Variants in SNAP47 observed in about 807,000 individuals in gnomAD.
SNAP47 encodes the protein synaptosome associated protein 47, also known as synaptosomal-associated protein 47.
Under a neutral mutation model 31.4 loss-of-function variants are expected in SNAP47, and 20 were observed. That is an observed-to-expected ratio of 0.64 (90% confidence interval 0.45 to 0.93). SNAP47 has a LOEUF of 0.93. SNAP47 is among the 40% of genes least tolerant of loss of function. The pLI, the probability that SNAP47 is intolerant of heterozygous loss-of-function variation, is 0.00. For missense variants in SNAP47, 492 were observed against 528.5 expected (o/e 0.93, Z 0.68); for synonymous variants, 194 against 213.4 (o/e 0.91, Z 0.79).
chr1:227,747,772 C>T lies in SNAP47; in HGVS notation c.36C>T (p.Cys12=). 1.2e-6 allele frequency: 2 copies of T among 1,614,128 alleles called. No homozygotes were observed. Among genetic ancestry groups the T allele is most frequent in the Non-Finnish European group, 8.5e-7 (1 of 1,180,002 alleles). ...SRDVCIHTWP[C]TYYLEPKRRW... Reference sequence around the variant, plus strand: ...ATGTCTGCATCCACACCTGGCCGTGCACCTACTACCTGGAGCCCAAGAGGC... The same window carrying T: ...ATGTCTGCATCCACACCTGGCCGTGTACCTACTACCTGGAGCCCAAGAGGC... Residue 12 remains cysteine, a synonymous_variant, in exon 2 of 5, where the codon TGC becomes TGT. Coordinates refer to ENST00000617596, the MANE Select transcript of SNAP47 (RefSeq NM_053052.4).
chr1:227,750,619 C>G (rs1662285588), intron 2 of SNAP47, among the ~76,000 whole-genome samples: 1 of 152,132 alleles, frequency 6.6e-6, no homozygotes, highest in African/African-American at 2.4e-5. Context: ...CCTGCCCTGG[C>G]TCGCTGCTGA....
chr1:227,732,518 T>C, upstream of SNAP47: 1 of 1,613,408 alleles, frequency 6.2e-7, no homozygotes. Flanking sequence ...CCAGCACCTC[T>C]GTGATGCGCC....
intron 1 of SNAP47, 78 bp from the exon 2 acceptor site, chr1:227,747,614 G>A (rs2102916749): frequency 2.8e-6 from 4 of 1,444,478 alleles, no homozygotes; most frequent in Non-Finnish European, 3.8e-6. Context: ...AGCCGCAGGG[G>A]AGGCAGCATC....
chr1:227,777,004 A>G, intron 4 of SNAP47: 1 of 985,434 alleles, frequency 1.0e-6, no homozygotes, highest in South Asian at 4.7e-5. Flanking sequence ...TAAATTGTGC[A>G]TATTATTACT....
chr1:227,775,244 C>T (rs1006647559), intron 4 of SNAP47, among the ~76,000 whole-genome samples: 12 of 152,204 alleles, frequency 7.9e-5, no homozygotes, highest in Non-Finnish European at 8.8e-5. Context: ...AGCCAATTTT[C>T]CCCCTTTACA....
intron 1 of SNAP47, among the ~76,000 whole-genome samples, chr1:227,737,821 T>C (rs181337003): frequency 6.6e-6 from 1 of 152,114 alleles, no homozygotes; most frequent in African/African-American, 2.4e-5. Context: ...TTGGGGATTG[T>C]GTGATTCAGT....
rs567882953 is a variant in SNAP47 at position 227,767,547 on chromosome 1, ATGTGTGTGT to A, written c.1113+483_1113+491del. Among the ~76,000 whole-genome samples the A allele has an allele frequency of 1.6e-3, 246 of 152,010 alleles. 1 individual carries two copies. The highest frequency in any genetic ancestry group is 3.4e-3 in the Middle Eastern group (1 of 294). Reference sequence around the variant, plus strand: ...TGCATGTGTGTGTACTTGTGAGTACATGTGTGTGTTGTGTGTGTTGTGTGTGTATGCACA... The same window carrying A: ...TGCATGTGTGTGTACTTGTGAGTACATGTGTGTGTTGTGTGTGTATGCACA... On this transcript the variant is annotated intron_variant, in intron 4 of 4. Coordinates refer to ENST00000617596, the MANE Select transcript of SNAP47 (RefSeq NM_053052.4).
intron 1 of SNAP47, among the ~76,000 whole-genome samples, chr1:227,745,385 G>A (rs910253555): frequency 1.5e-4 from 23 of 152,138 alleles, no homozygotes; most frequent in African/African-American, 4.8e-4. Flanking sequence ...CTTTCCAAAC[G>A]AAATAAAATT....
chr1:227,760,894 T>C (rs2102957488), intron 3 of SNAP47, among the ~76,000 whole-genome samples: 1 of 152,390 alleles, frequency 6.6e-6, no homozygotes, highest in Admixed American at 6.5e-5. Context: ...AAATCTTTTA[T>C]CTTGCCATGG....
chr1:227,767,520 T>A (rs1558211120), intron 4 of SNAP47, among the ~76,000 whole-genome samples: 1 of 152,200 alleles, frequency 6.6e-6, no homozygotes, highest in Non-Finnish European at 1.5e-5. Context: ...TGTATGTGCA[T>A]GTGCATGTGT....
At chr1:227,733,394 C>A (rs752852960), upstream of SNAP47, 1 of 1,564,926 alleles carries the variant, frequency 6.4e-7, no homozygotes, top group Non-Finnish European at 8.6e-7. Flanking sequence ...TGATAGGGGG[C>A]AGGAGAAGCA....
chr1:227,771,977 C>T (rs1158422472), intron 4 of SNAP47, among the ~76,000 whole-genome samples: 1 of 152,142 alleles, frequency 6.6e-6, no homozygotes, highest in Non-Finnish European at 1.5e-5. Context: ...TACCAGGCTG[C>T]ACCAGCTGAA....
At chr1:227,775,347 A>G (rs2102997917) in intron 4 of SNAP47, among the ~76,000 whole-genome samples, 1 of 152,300 alleles carries the variant, frequency 6.6e-6, no homozygotes, top group Non-Finnish European at 1.5e-5. Context: ...AATGGTTGCT[A>G]ATTTCTCACT....
At chr1:227,779,968 A>G (rs1344128896) in intron 4 of SNAP47, among the ~76,000 whole-genome samples, 1 of 152,102 alleles carries the variant, frequency 6.6e-6, no homozygotes, top group Non-Finnish European at 1.5e-5. Context: ...CACCGTATGG[A>G]GAGTTTCATT....
At chr1:227,772,306 A>G (rs1325445293) in intron 4 of SNAP47, among the ~76,000 whole-genome samples, 2 of 152,084 alleles carry the variant, frequency 1.3e-5, no homozygotes, top group Non-Finnish European at 2.9e-5. Flanking sequence ...GCACAGAAAC[A>G]GTTTCTGTGA....
chr1:227,748,879 T>G (rs541444537), intron 2 of SNAP47, among the ~76,000 whole-genome samples: 1 of 152,372 alleles, frequency 6.6e-6, no homozygotes, highest in South Asian at 2.1e-4. Context: ...CCAGAAAATT[T>G]CTTCAGTTTG....
chr1:227,749,231 G>T (rs985486093), intron 2 of SNAP47, among the ~76,000 whole-genome samples: 1 of 152,008 alleles, frequency 6.6e-6, no homozygotes, highest in African/African-American at 2.4e-5. Context: ...AAGATGGTGT[G>T]TGTGGGGCTG....
At chr1:227,749,976 C>T (rs1433590983) in intron 2 of SNAP47, among the ~76,000 whole-genome samples, 1 of 152,244 alleles carries the variant, frequency 6.6e-6, no homozygotes, top group African/African-American at 2.4e-5. Flanking sequence ...TCCTAGCACC[C>T]ACAGCTGCAG....
At chr1:227,757,254 C>G (rs927847441) in intron 2 of SNAP47, among the ~76,000 whole-genome samples, 1 of 152,182 alleles carries the variant, frequency 6.6e-6, no homozygotes, top group Admixed American at 6.5e-5. Context: ...TAGGAGTCAT[C>G]ACTGTAAAAG....
Sources: allele counts gnomAD v4.1 joint callset (sites outside exome capture counted in the v4.1 genomes callset), GRCh38; gene constraint gnomAD v4.1.1; transcripts MANE v1.5; gene names NCBI Gene and HGNC (gene_info 2026-07-23, HGNC 2026-07-21).